Variants in PDE4D observed in about 807,000 individuals in gnomAD.
PDE4D encodes the protein 3',5'-cyclic-AMP phosphodiesterase 4D.
A neutral mutation model predicts 87.4 loss-of-function variants in PDE4D; 24 were observed. The ratio of observed to expected loss-of-function variants is 0.27; its 90% CI spans 0.20 to 0.39. The LOEUF (loss-of-function observed/expected upper bound fraction) is 0.39. Among genes scored for constraint, PDE4D ranks in the 10% least tolerant of loss-of-function variants. The pLI, the probability that PDE4D is intolerant of heterozygous loss-of-function variation, is 1.00. For synonymous variants in PDE4D, 384 were observed against 383.2 expected, an observed-to-expected ratio of 1.00 and a Z score of -0.02; for missense variants, 714 against 1,041.0, an observed-to-expected ratio of 0.69 and a Z score of 4.32.
intron 1 of PDE4D, among the ~76,000 whole-genome samples, chr5:59,574,071 T>A (rs1285912775): frequency 5.7e-5 from 1 of 17,592 alleles, no homozygotes; most frequent in Non-Finnish European, 1.1e-4. Flanking sequence ...AATATATATA[T>A]TTATATATAT....
At chr5:60,133,303 C>T (rs960802984) in intron 2 of PDE4D, among the ~76,000 whole-genome samples, 6 of 152,070 alleles carry the variant, frequency 3.9e-5, no homozygotes, top group Non-Finnish European at 8.8e-5. Flanking sequence ...TACTCTGCCA[C>T]TTATTGCCGT....
chr5:59,218,061 C>T (rs1484068800), intron 1 of PDE4D: 2 of 436,684 alleles, frequency 4.6e-6, no homozygotes, highest in South Asian at 3.4e-5. Flanking sequence ...ATTTAGTACA[C>T]AACTGGAAGA....
intron 2 of PDE4D, among the ~76,000 whole-genome samples, chr5:60,039,682 A>G (rs1334753760): frequency 1.3e-5 from 2 of 151,482 alleles, no homozygotes; most frequent in Admixed American, 1.3e-4. Context: ...AGACCATATA[A>G]TCCCATGTCT....
chr5:59,367,005 TA>T (rs1375107134), intron 1 of PDE4D, among the ~76,000 whole-genome samples: 1 of 152,198 alleles, frequency 6.6e-6, no homozygotes, highest in Non-Finnish European at 1.5e-5. Context: ...AAAGGCATCC[TA>T]TCAGGAAGGA....
At chr5:60,156,857 T>C (rs936697691) in intron 2 of PDE4D, among the ~76,000 whole-genome samples, 10 of 152,146 alleles carry the variant, frequency 6.6e-5, no homozygotes, top group African/African-American at 2.2e-4. Context: ...CTCATGATGC[T>C]TATATAATAT....
intron 1 of PDE4D, chr5:59,586,561 G>A: frequency 7.2e-7 from 1 of 1,386,190 alleles, no homozygotes; most frequent in South Asian, 1.8e-5. Flanking sequence ...ATTACAAAAG[G>A]CCTTCCAGGA....
intron 5 of PDE4D, among the ~76,000 whole-genome samples, chr5:59,054,059 T>C (rs1289968211): frequency 2.0e-5 from 3 of 152,228 alleles, no homozygotes; most frequent in African/African-American, 7.2e-5. Flanking sequence ...ATTTAGGTGC[T>C]ACATGCTAAT....
chr5:59,272,617 G>A (rs1764035617), intron 1 of PDE4D, among the ~76,000 whole-genome samples: 1 of 152,032 alleles, frequency 6.6e-6, no homozygotes, highest in African/African-American at 2.4e-5. Flanking sequence ...TTAAATAAAA[G>A]CAACCTAGTA....
At chr5:59,113,930 C>A (rs1254347594) in intron 5 of PDE4D, among the ~76,000 whole-genome samples, 1 of 152,170 alleles carries the variant, frequency 6.6e-6, no homozygotes, top group Non-Finnish European at 1.5e-5. Context: ...TGTAACTAGG[C>A]CACTGTTACT....
At chr5:59,408,053 A>T (rs1391055318) in intron 1 of PDE4D, among the ~76,000 whole-genome samples, 1 of 152,216 alleles carries the variant, frequency 6.6e-6, no homozygotes, top group East Asian at 1.9e-4. Context: ...TGCATAACTA[A>T]AAGAGAACAA....
At position 59,181,571 on chromosome 5, in the gene PDE4D, T is replaced by TA. The variant is rs1554090340; in HGVS notation, c.759-928_759-927insT. Reference sequence around the variant, plus strand: ...ATATATATATATATATATATATATATTAGGTATATAATAATTATATATATA... The same window carrying TA: ...ATATATATATATATATATATATATATATAGGTATATAATAATTATATATATA... On this transcript the variant is annotated intron_variant, in intron 4 of 14. Coordinates refer to ENST00000340635, the MANE Select transcript of PDE4D (RefSeq NM_001104631.2). Among the ~76,000 whole-genome samples the TA allele has an allele frequency of 3.5e-3, 467 of 133,466 alleles. 10 individuals carry two copies. Among genetic ancestry groups the TA allele is most frequent in the Middle Eastern group, 0.012 (3 of 256 alleles). The allele number at this position is 133,466 out of a possible 152,430, so 87.6% of individuals were successfully genotyped here. A position where few individuals can be genotyped will look rare whatever the true frequency, so the allele number is the denominator to read the frequency against.
intron 1 of PDE4D, among the ~76,000 whole-genome samples, chr5:60,239,833 T>G (rs1359863834): frequency 2.0e-5 from 3 of 152,052 alleles, no homozygotes; most frequent in East Asian, 3.9e-4. Context: ...TTCCTGAACT[T>G]TTGTATTATT....
intron 1 of PDE4D, among the ~76,000 whole-genome samples, chr5:59,235,600 T>A (rs570489667): frequency 6.6e-6 from 1 of 152,322 alleles, no homozygotes; most frequent in African/African-American, 2.4e-5. Flanking sequence ...TTACTTTTAA[T>A]CCTTCATAAA....
At chr5:60,425,804 C>A (rs1184634381) in intron 1 of PDE4D, among the ~76,000 whole-genome samples, 1 of 152,224 alleles carries the variant, frequency 6.6e-6, no homozygotes, top group South Asian at 2.1e-4. Flanking sequence ...TGCTAGTATC[C>A]AGAATCTACA....
chr5:60,255,076 C>T (rs1748897912), intron 1 of PDE4D, among the ~76,000 whole-genome samples: 1 of 151,896 alleles, frequency 6.6e-6, no homozygotes, highest in African/African-American at 2.4e-5. Context: ...CATATTTACA[C>T]TTTTTCTTGC....
rs540517118 is a variant in PDE4D at position 60,410,235 on chromosome 5, A to C, written c.-90+77707T>G. Among the ~76,000 whole-genome samples, 5 of 152,290 alleles carry C rather than the reference A, an allele frequency of 3.3e-5. No individual in the cohort carries two copies. The South Asian group carries it at 1.0e-3, about 32-fold the overall frequency. On this transcript the variant is annotated intron_variant, in intron 1 of 16. Coordinates refer to the PDE4D transcript ENST00000502484. ...AGCAAAGGCTGGGTGTGGAGAGTCC[A>C]TCCAGAGGCATTGGTCTCTGTTCCT...
At chr5:59,099,462 C>T (rs1023400350) in intron 5 of PDE4D, among the ~76,000 whole-genome samples, 1 of 152,216 alleles carries the variant, frequency 6.6e-6, no homozygotes, top group Non-Finnish European at 1.5e-5. Context: ...CATCCACCCT[C>T]TTTGGTTATA....
intron 2 of PDE4D, among the ~76,000 whole-genome samples, chr5:60,051,158 C>G (rs753340672): frequency 4.6e-5 from 7 of 152,134 alleles, no homozygotes; most frequent in Non-Finnish European, 1.0e-4. Flanking sequence ...CAAGGATATT[C>G]AGGACTTGAT....
chr5:59,393,234 C>T (rs1261949760), intron 1 of PDE4D, among the ~76,000 whole-genome samples: 6 of 151,908 alleles, frequency 3.9e-5, no homozygotes, highest in African/African-American at 1.5e-4. Context: ...AGGTATTTGA[C>T]AACAAAAAAA....
Sources: allele counts gnomAD v4.1 joint callset (sites outside exome capture counted in the v4.1 genomes callset), GRCh38; gene constraint gnomAD v4.1.1; transcripts MANE v1.5; gene names NCBI Gene and HGNC (gene_info 2026-07-23, HGNC 2026-07-21).